Variants in ARID1B observed in about 807,000 individuals in gnomAD.
The protein encoded by ARID1B is AT-rich interaction domain 1B, also known as AT-rich interactive domain-containing protein 1B.
ARID1B carries 30 observed loss-of-function variants against 212.3 expected under a neutral mutation model. The ratio of observed to expected loss-of-function variants is 0.14; its 90% CI spans 0.11 to 0.19. ARID1B has a LOEUF of 0.19. Ranked by LOEUF, ARID1B falls within the 10% of genes least tolerant of loss-of-function variation. The pLI is 1.00. For synonymous variants in ARID1B, 1,402 were observed against 1,301.7 expected, an observed-to-expected ratio of 1.08 and a Z score of -1.66; for missense variants, 2,891 against 3,204.0, an observed-to-expected ratio of 0.90 and a Z score of 2.36.
At chr6:157,187,622 A>G (rs944851247) in intron 13 of ARID1B, among the ~76,000 whole-genome samples, 1 of 152,170 alleles carries the variant, frequency 6.6e-6, no homozygotes, top group Admixed American at 6.5e-5. Flanking sequence ...AACCTTCAGT[A>G]ACCTTTCCAT....
chr6:157,162,104 A>G (rs1245547181), intron 8 of ARID1B, among the ~76,000 whole-genome samples: 3 of 152,216 alleles, frequency 2.0e-5, no homozygotes, highest in African/African-American at 4.8e-5. Flanking sequence ...AAACCCATTC[A>G]TTTTAAAGAT....
rs768626171 is a variant in ARID1B at position 157,206,146 on chromosome 6, TCTC to T, written c.5395-8_5395-6del. Reference sequence around the variant, plus strand: ...GACATTGTACCTGTTCTTTCTTTCTTCTCCTCCTCCTCCTCTCCAGTTGTCTGG... The same window carrying T: ...GACATTGTACCTGTTCTTTCTTTCTTCTCCTCCTCCTCTCCAGTTGTCTGG... On this transcript the variant is annotated intron_variant, in intron 19 of 19. Coordinates refer to ENST00000636930, the MANE Select transcript of ARID1B (RefSeq NM_001374828.1). This position sits in a 1 kb window ranked among gnomAD's most constrained non-coding sequence, Gnocchi z 6.8. 1.6e-5 allele frequency: 25 copies of T among 1,609,846 alleles called. No individual in the cohort carries two copies. Among genetic ancestry groups the T allele is most frequent in the South Asian group, 5.5e-5 (5 of 90,662 alleles).
At chr6:157,105,143 A>G (rs1364351980) in intron 5 of ARID1B, among the ~76,000 whole-genome samples, 2 of 152,168 alleles carry the variant, frequency 1.3e-5, no homozygotes, top group Non-Finnish European at 2.9e-5. Flanking sequence ...AGCCACGTGC[A>G]AAGAGATTAA....
At chr6:157,140,086 C>A (rs1042605854) in intron 7 of ARID1B, among the ~76,000 whole-genome samples, 1 of 151,998 alleles carries the variant, frequency 6.6e-6, no homozygotes, top group Non-Finnish European at 1.5e-5. Context: ...GAATAAATTG[C>A]GTATCTGTGC....
intron 6 of ARID1B, among the ~76,000 whole-genome samples, chr6:157,131,800 C>T (rs1255131352): frequency 1.3e-5 from 2 of 152,218 alleles, no homozygotes; most frequent in African/African-American, 2.4e-5. Context: ...AAGCGATTCT[C>T]CTGCCTCAGC....
At chr6:156,946,061 AAAG>A (rs1468643720) in intron 4 of ARID1B, among the ~76,000 whole-genome samples, 22 of 152,072 alleles carry the variant, frequency 1.4e-4, no homozygotes, top group African/African-American at 5.3e-4. Flanking sequence ...ACTGCTAGTA[AAAG>A]AAGAATAATG....
chr6:157,112,366 C>CT (rs143442109), intron 6 of ARID1B, among the ~76,000 whole-genome samples: 11,884 of 152,008 alleles, frequency 0.078, 546 homozygotes, highest in African/African-American at 0.097. Flanking sequence ...TACTAAAATC[C>CT]TTTTTTGGTT....
intron 3 of ARID1B, among the ~76,000 whole-genome samples, chr6:156,929,522 G>A (rs1791524156): frequency 6.6e-6 from 1 of 152,168 alleles, no homozygotes; most frequent in African/African-American, 2.4e-5. Context: ...TGGTGATAGG[G>A]AATTTCCAAA....
intron 6 of ARID1B, among the ~76,000 whole-genome samples, chr6:157,126,078 A>G (rs1381383684): frequency 1.3e-5 from 2 of 152,172 alleles, no homozygotes; most frequent in Non-Finnish European, 2.9e-5. Flanking sequence ...TTTGTGTGAC[A>G]TTACTGTGGA....
chr6:156,994,714 C>T (rs973879800), intron 4 of ARID1B, among the ~76,000 whole-genome samples: 1 of 152,230 alleles, frequency 6.6e-6, no homozygotes, highest in African/African-American at 2.4e-5. Context: ...GTGTCAGTGA[C>T]ATTTAGTAAC....
chr6:157,167,175 C>T lies in ARID1B; in HGVS notation c.3225C>T (p.Asn1075=), dbSNP rs1352952594. The T allele has an allele frequency of 1.2e-6, 2 of 1,607,128 alleles. No individual in the cohort carries two copies. The highest frequency in any genetic ancestry group is 1.7e-6 in the Non-Finnish European group (2 of 1,179,664). ...ACAGCATGGCGCCCGCCATGGTGAA[C>T]AGCTCGGCAGGTAACCTTGGCAGCT... ...PPYSMAPAMV[N]SSAASVGLAD... is the part of the protein sequence containing the mutation. Residue 1075 remains asparagine (N), a synonymous_variant, in exon 9 of 20, where the codon AAC becomes AAT. Coordinates refer to ENST00000636930, the MANE Select transcript of ARID1B (RefSeq NM_001374828.1).
chr6:157,090,246 A>G (rs4476845), intron 5 of ARID1B, among the ~76,000 whole-genome samples: 4,780 of 152,276 alleles, frequency 0.031, 175 homozygotes, highest in African/African-American at 0.089. Context: ...GAGGGAGCTC[A>G]CCGTGGGGGT....
intron 4 of ARID1B, among the ~76,000 whole-genome samples, chr6:156,987,332 T>A (rs1170916914): frequency 6.6e-6 from 1 of 151,390 alleles, no homozygotes; most frequent in African/African-American, 2.4e-5. Flanking sequence ...ATACCAGTGC[T>A]AGTTTTTTTT....
chr6:157,145,548 C>T (rs907655555), intron 7 of ARID1B, among the ~76,000 whole-genome samples: 3 of 152,160 alleles, frequency 2.0e-5, no homozygotes, highest in Non-Finnish European at 4.4e-5. Context: ...AGAGATCAGA[C>T]GCGCAGTAAA....
rs2115006403 is a variant in ARID1B at position 156,779,458 on chromosome 6, T to C, written c.1778T>C (p.Met593Thr). ...AGCCCCGGCACCCCCGGACCGACCATGGGCAGATCCCAGGTAACCCTCGCG... is the reference window on the plus strand; with the variant it reads ...AGCCCCGGCACCCCCGGACCGACCACGGGCAGATCCCAGGTAACCCTCGCG... ...AMSPGTPGPT[M>T]GRSQGSPMDP... Residue 593 changes from methionine (M) to threonine (T), a missense_variant, in exon 1 of 20, where the codon ATG (methionine) becomes ACG (threonine). Around this residue, in one of 7 missense-constraint regions of ARID1B, gnomAD observed 1,643 missense variants for 1,544.0 expected, o/e 1.06. Transcript: ENST00000636930. 2 of 1,422,652 alleles carry C rather than the reference T, an allele frequency of 1.4e-6. No individual in the cohort carries two copies. Among genetic ancestry groups the C allele is most frequent in the Non-Finnish European group, 9.2e-7 (1 of 1,082,038 alleles). The allele number at this position is 1,422,652 out of a possible 1,614,324, so 88.1% of individuals were successfully genotyped here. A position where few individuals can be genotyped will look rare whatever the true frequency, so the allele number is the denominator to read the frequency against.
At chr6:157,004,483 C>G (rs775259998) in intron 4 of ARID1B, among the ~76,000 whole-genome samples, 1 of 152,098 alleles carries the variant, frequency 6.6e-6, no homozygotes, top group Non-Finnish European at 1.5e-5. Flanking sequence ...AGTGTAATTT[C>G]TTGAGAAAAA....
rs560226627 is a variant in ARID1B at position 157,199,015 on chromosome 6, A to G, written c.4479+108A>G. ...GATTTTCAGACATCTAACAAAAATG[A>G]TTAGTGTTTGTTGAGCATTCAGGAT... On this transcript the variant is annotated intron_variant, in intron 17 of 19. Transcript: ENST00000636930. The G allele has an allele frequency of 9.7e-5, 91 of 942,856 alleles. 1 individual carries two copies. In the South Asian group the frequency reaches 1.0e-3, roughly 11 times the overall value. 58.4% of individuals were successfully genotyped at this position (942,856 alleles called of 1,614,324 possible). A position where few individuals can be genotyped will look rare whatever the true frequency, so the allele number is the denominator to read the frequency against.
At chr6:157,031,742 G>T (rs952787657) in intron 4 of ARID1B, among the ~76,000 whole-genome samples, 1 of 151,784 alleles carries the variant, frequency 6.6e-6, no homozygotes, top group African/African-American at 2.4e-5. Flanking sequence ...ATTACAGTTT[G>T]ATCAAATATT....
chr6:157,153,115 T>A (rs1238492231), intron 8 of ARID1B, among the ~76,000 whole-genome samples: 2 of 152,220 alleles, frequency 1.3e-5, no homozygotes, highest in Admixed American at 1.3e-4. Flanking sequence ...GTTTAACTGG[T>A]TAGAAACTGT....
Sources: gnomAD v4.1 joint callset for allele counts (sites outside exome capture counted in the v4.1 genomes callset) on GRCh38, gnomAD v4.1.1 for gene constraint, gnomAD v4.1.1 regional missense constraint, Gnocchi (gnomAD v3.1) non-coding constraint, MANE v1.5 for transcripts, NCBI Gene and HGNC (gene_info 2026-07-23, HGNC 2026-07-21) for gene names.